LYPLAL1: variants seen among roughly 807,000 people sequenced by gnomAD.
LYPLAL1 encodes lysophospholipase-like protein 1.
A neutral mutation model predicts 19.7 loss-of-function variants in LYPLAL1; 23 were observed. The observed-to-expected ratio is 1.17, with a 90% CI of 0.84 to 1.65. The LOEUF is 1.65. Ranked by LOEUF, LYPLAL1 falls within the 40% of genes most tolerant of loss-of-function variation. The pLI, the probability that LYPLAL1 is intolerant of heterozygous loss-of-function variation, is 0.00. For synonymous variants in LYPLAL1, 119 were observed against 96.3 expected (o/e 1.24, Z -1.38); for missense variants, 355 against 279.4 (o/e 1.27, Z -1.93).
the LYPLAL1 span, among the ~76,000 whole-genome samples, chr1:219,302,458 T>C: frequency 6.6e-6 from 1 of 152,156 alleles, no homozygotes; most frequent in African/African-American, 2.4e-5. Context: ...CTCCTTATGT[T>C]GGTGAGGTGT....
At chr1:219,225,889 A>G in the LYPLAL1 span, among the ~76,000 whole-genome samples, 1 of 152,136 alleles carries the variant, frequency 6.6e-6, no homozygotes, top group African/African-American at 2.4e-5. Context: ...TGCTTCTACC[A>G]TGCCAATATT....
At chr1:219,373,936 A>C in the LYPLAL1 span, among the ~76,000 whole-genome samples, 1 of 151,908 alleles carries the variant, frequency 6.6e-6, no homozygotes, top group Non-Finnish European at 1.5e-5. Flanking sequence ...AGCTAAAAAA[A>C]TAAAACCAAA....
intron 3 of LYPLAL1, among the ~76,000 whole-genome samples, chr1:219,196,448 G>A (rs1657607782): frequency 6.6e-6 from 1 of 152,118 alleles, no homozygotes; most frequent in Admixed American, 6.5e-5. Context: ...GATAAGTGAT[G>A]TTGAGCTTTT....
chr1:219,415,229 T>C, the LYPLAL1 span, among the ~76,000 whole-genome samples: 37 of 152,158 alleles, frequency 2.4e-4, 1 homozygote, highest in South Asian at 6.2e-4. Flanking sequence ...GAAAAAGACA[T>C]AGAACCCAGG....
At chr1:219,354,139 C>CAA in the LYPLAL1 span, among the ~76,000 whole-genome samples, 2 of 152,144 alleles carry the variant, frequency 1.3e-5, no homozygotes, top group African/African-American at 4.8e-5. Context: ...GTCTATCATA[C>CAA]AGTCTCACAA....
rs74422445 is a variant in LYPLAL1 at position 219,175,468 on chromosome 1, A to T, written c.91+1487A>T. Among the ~76,000 whole-genome samples, 21 of 152,310 alleles carry T rather than the reference A, an allele frequency of 1.4e-4. No homozygotes were observed. In the East Asian group the frequency reaches 4.1e-3, roughly 29 times the overall value. ...CCCTTTCTCATAATCAATTCTCATT[A>T]TCTTTAGGAAGAACTCCTAGACTAT... On this transcript the variant is annotated intron_variant, in intron 1 of 4. Transcript: ENST00000366928.
chr1:219,207,473 C>T (rs1343405656), intron 3 of LYPLAL1, among the ~76,000 whole-genome samples: 1 of 151,812 alleles, frequency 6.6e-6, no homozygotes, highest in African/African-American at 2.4e-5. Flanking sequence ...TTAAGCTTTA[C>T]TTTTATATCA....
At chr1:219,342,553 A>G in the LYPLAL1 span, among the ~76,000 whole-genome samples, 4 of 152,156 alleles carry the variant, frequency 2.6e-5, no homozygotes, top group Non-Finnish European at 4.4e-5. Flanking sequence ...CGCAGACTCC[A>G]TGAAACTGGC....
the LYPLAL1 span, among the ~76,000 whole-genome samples, chr1:219,303,339 C>T: frequency 6.6e-6 from 1 of 152,024 alleles, no homozygotes; most frequent in Non-Finnish European, 1.5e-5. Context: ...GTAATAAAAA[C>T]AATACAAATG....
chr1:219,243,641 C>T, the LYPLAL1 span, among the ~76,000 whole-genome samples: 1 of 152,016 alleles, frequency 6.6e-6, no homozygotes, highest in African/African-American at 2.4e-5. Flanking sequence ...AAAAAAGGTC[C>T]CGGCGCAGTG....
chr1:219,249,155 T>C, the LYPLAL1 span, among the ~76,000 whole-genome samples: 3 of 152,010 alleles, frequency 2.0e-5, no homozygotes, highest in African/African-American at 4.8e-5. Context: ...TTACATATAC[T>C]CTCAGGCTTC....
At chr1:219,437,681 G>A in the LYPLAL1 span, among the ~76,000 whole-genome samples, 1 of 151,886 alleles carries the variant, frequency 6.6e-6, no homozygotes, top group Non-Finnish European at 1.5e-5. Context: ...TTTTTAGGGT[G>A]TGCAACAATT....
At chr1:219,311,248 G>A in the LYPLAL1 span, among the ~76,000 whole-genome samples, 6 of 151,472 alleles carry the variant, frequency 4.0e-5, no homozygotes, top group South Asian at 1.0e-3. Context: ...TGCAATATAT[G>A]TTCTTGAAGT....
intron 2 of LYPLAL1, among the ~76,000 whole-genome samples, chr1:219,183,125 C>T (rs534371789): frequency 6.6e-6 from 1 of 152,038 alleles, no homozygotes; most frequent in Admixed American, 6.6e-5. Flanking sequence ...TAATTTTAGC[C>T]AAACCAGTAG....
the LYPLAL1 span, among the ~76,000 whole-genome samples, chr1:219,312,628 G>A: frequency 6.6e-6 from 1 of 152,132 alleles, no homozygotes; most frequent in Non-Finnish European, 1.5e-5. Flanking sequence ...GAAAGAGAAG[G>A]CAACTAGGGG....
At chr1:219,333,349 C>T in the LYPLAL1 span, among the ~76,000 whole-genome samples, 1 of 152,004 alleles carries the variant, frequency 6.6e-6, no homozygotes, top group East Asian at 1.9e-4. Flanking sequence ...CCAAGAAGCT[C>T]CTTTAACATC....
chr1:219,197,525 C>G lies in LYPLAL1; in HGVS notation c.361+4274C>G, dbSNP rs552525112. Among the ~76,000 whole-genome samples, 6 of 152,246 alleles carry G rather than the reference C, an allele frequency of 3.9e-5. No individual in the cohort carries two copies. The South Asian group carries it at 1.2e-3, about 32-fold the overall frequency. ...TGTAAAACCAAAAATTATAAAAACC[C>G]TAGAAGTAAATCTAGGCAATACCAT... On this transcript the variant is annotated intron_variant, in intron 3 of 4. Coordinates refer to ENST00000366928, the MANE Select transcript of LYPLAL1 (RefSeq NM_138794.5).
chr1:219,234,793 A>G, the LYPLAL1 span, among the ~76,000 whole-genome samples: 184 of 152,254 alleles, frequency 1.2e-3, no homozygotes, highest in African/African-American at 4.3e-3. Flanking sequence ...ACTTAGGAAC[A>G]TTTATTCATG....
chr1:219,221,762 G>A, the LYPLAL1 span, among the ~76,000 whole-genome samples: 2 of 152,172 alleles, frequency 1.3e-5, no homozygotes, highest in South Asian at 2.1e-4. Flanking sequence ...GACTGCAGAA[G>A]TATTAGCACC....
Sources: allele counts gnomAD v4.1 joint callset (sites outside exome capture counted in the v4.1 genomes callset), GRCh38; gene constraint gnomAD v4.1.1; transcripts MANE v1.5; gene names NCBI Gene and HGNC (gene_info 2026-07-23, HGNC 2026-07-21).